The following DENND1A variants were observed in gnomAD, a reference collection of about 807,000 sequenced individuals.
DENND1A encodes DENN domain containing 1A, also known as DENN domain-containing protein 1A.
A neutral mutation model predicts 113.7 loss-of-function variants in DENND1A; 51 were observed. The observed-to-expected ratio is 0.45, with a 90% CI of 0.36 to 0.57. The LOEUF (loss-of-function observed/expected upper bound fraction) is 0.57. DENND1A is among the 20% of genes least tolerant of loss of function. The pLI, the probability that DENND1A is intolerant of heterozygous loss-of-function variation, is 0.00. For synonymous variants in DENND1A, 565 were observed against 570.8 expected, an observed-to-expected ratio of 0.99 and a Z score of 0.14; for missense variants, 1,258 against 1,395.9, an observed-to-expected ratio of 0.90 and a Z score of 1.57.
intron 12 of DENND1A, among the ~76,000 whole-genome samples, chr9:123,560,942 C>T (rs1294532656): frequency 2.6e-5 from 4 of 152,162 alleles, no homozygotes; most frequent in African/African-American, 9.7e-5. Flanking sequence ...GCTGACTCTG[C>T]CATGGACTTC....
chr9:123,822,663 T>C (rs1006423073), intron 2 of DENND1A, among the ~76,000 whole-genome samples: 6 of 152,234 alleles, frequency 3.9e-5, no homozygotes, highest in Non-Finnish European at 4.4e-5. Context: ...TCAAAATTTT[T>C]AACCATTGCC....
At chr9:123,445,511 A>G (rs1336511231) in intron 18 of DENND1A, among the ~76,000 whole-genome samples, 6 of 152,248 alleles carry the variant, frequency 3.9e-5, no homozygotes, top group African/African-American at 1.4e-4. Flanking sequence ...TTCACGCTGG[A>G]CATGGTCTCC....
Position 123,607,666 on chromosome 9 carries a change from C to A in DENND1A, c.765+1770G>T, listed in dbSNP as rs1775236140. 2.0e-5 allele frequency among the ~76,000 whole-genome samples: 3 copies of A among 149,188 alleles called. No individual in the cohort carries two copies. In the South Asian group the frequency reaches 6.5e-4, roughly 33 times the overall value. Reference sequence around the variant, plus strand: ...CCAACTGGCACTTTAAACTTTGGACCTGAAGCTCAGAGAGAGGCAGACCAG... The same window carrying A: ...CCAACTGGCACTTTAAACTTTGGACATGAAGCTCAGAGAGAGGCAGACCAG... On this transcript the variant is annotated intron_variant, in intron 11 of 23. Coordinates refer to ENST00000394215, the MANE Select transcript of DENND1A (RefSeq NM_001352964.2).
intron 5 of DENND1A, among the ~76,000 whole-genome samples, chr9:123,708,516 T>C (rs1043313317): frequency 1.3e-5 from 2 of 152,192 alleles, no homozygotes; most frequent in Non-Finnish European, 2.9e-5. Context: ...TTTCTTCAGT[T>C]TTTTAGCATG....
chr9:123,495,131 CA>C, intron 13 of DENND1A, among the ~76,000 whole-genome samples: 1 of 106,556 alleles, frequency 9.4e-6, no homozygotes, highest in South Asian at 3.9e-4. Flanking sequence ...TATGACCCAT[CA>C]TTGTCTCTTT....
At chr9:123,828,620 G>A (rs1374797796) in intron 2 of DENND1A, among the ~76,000 whole-genome samples, 1 of 143,774 alleles carries the variant, frequency 7.0e-6, no homozygotes, top group Non-Finnish European at 1.5e-5. Flanking sequence ...AAAATGAAAA[G>A]GAAAAACTTA....
chr9:123,804,090 C>T (rs1835142124), intron 2 of DENND1A, among the ~76,000 whole-genome samples: 2 of 152,192 alleles, frequency 1.3e-5, no homozygotes, highest in South Asian at 4.1e-4. Context: ...ATGGGAGGAA[C>T]CCGTGGAAGG....
At chr9:123,449,856 G>T (rs780063901) in intron 18 of DENND1A, among the ~76,000 whole-genome samples, 3 of 152,088 alleles carry the variant, frequency 2.0e-5, no homozygotes, top group Admixed American at 6.6e-5. Flanking sequence ...GGCTGGGAAG[G>T]GGGTGAGGGA....
intron 5 of DENND1A, among the ~76,000 whole-genome samples, chr9:123,732,240 C>G (rs767807347): frequency 6.6e-6 from 1 of 152,182 alleles, no homozygotes; most frequent in South Asian, 2.1e-4. Context: ...AATCTGTGTG[C>G]AAATGTTTGT....
intron 2 of DENND1A, among the ~76,000 whole-genome samples, chr9:123,860,669 T>A (rs954734422): frequency 2.0e-5 from 3 of 152,214 alleles, no homozygotes; most frequent in Non-Finnish European, 4.4e-5. Flanking sequence ...CCCAGTGCAT[T>A]GCCTAATAAA....
intron 13 of DENND1A, among the ~76,000 whole-genome samples, chr9:123,516,915 A>AAAAAAAAAAAAAAAAAC (rs2053973741): frequency 1.4e-5 from 2 of 144,674 alleles, no homozygotes; most frequent in Non-Finnish European, 3.0e-5. Flanking sequence ...AAAAAAAAAA[A>AAAAAAAAAAAAAAAAAC]AAAAGAACGG....
intron 13 of DENND1A, among the ~76,000 whole-genome samples, chr9:123,524,032 G>C (rs1001817020): frequency 6.6e-6 from 1 of 152,194 alleles, no homozygotes; most frequent in Non-Finnish European, 1.5e-5. Flanking sequence ...TGTGGTATTA[G>C]AGAAAAAGAG....
intron 10 of DENND1A, among the ~76,000 whole-genome samples, chr9:123,627,256 G>A (rs2061266452): frequency 1.3e-5 from 2 of 152,226 alleles, no homozygotes; most frequent in African/African-American, 4.8e-5. Flanking sequence ...CAGTGGCAAG[G>A]CCAGGGAAGC....
chr9:123,757,636 G>A (rs201697203), intron 5 of DENND1A, 67 bp downstream of exon 5: 318 of 1,577,974 alleles, frequency 2.0e-4, no homozygotes, highest in Non-Finnish European at 2.6e-4. Flanking sequence ...ATTTAATTAC[G>A]GAAGAGCAAT....
At chr9:123,406,076 C>A (rs960130802) in intron 20 of DENND1A, among the ~76,000 whole-genome samples, 1 of 152,238 alleles carries the variant, frequency 6.6e-6, no homozygotes, top group Admixed American at 6.5e-5. Context: ...TCGTACCCCC[C>A]ACCCCCCAGA....
chr9:123,918,585 A>G lies in DENND1A; in HGVS notation c.17+11304T>C, dbSNP rs145354598. Among the ~76,000 whole-genome samples, 338 of 152,264 alleles carry G rather than the reference A, an allele frequency of 2.2e-3. 3 individuals are homozygous for G. The highest frequency in any genetic ancestry group is 7.7e-3 in the African/African-American group (319 of 41,560). On this transcript the variant is annotated intron_variant, in intron 1 of 23. Transcript: ENST00000394215. ...ACTACAGCAGATTGAAATATAGCCA[A>G]TAAGTTTAAATACATCCATTTAAAG...
At chr9:123,909,773 G>A (rs1464508144) in intron 1 of DENND1A, among the ~76,000 whole-genome samples, 1 of 151,994 alleles carries the variant, frequency 6.6e-6, no homozygotes, top group African/African-American at 2.4e-5. Context: ...AAACCTGACT[G>A]TATACATATA....
rs114386299 is a variant in DENND1A at position 123,595,072 on chromosome 9, G to A, written c.766-11802C>T. Among the ~76,000 whole-genome samples the A allele has an allele frequency of 3.2e-3, 481 of 152,272 alleles. 3 individuals are homozygous for A. Among genetic ancestry groups the A allele is most frequent in the African/African-American group, 0.011 (463 of 41,550 alleles). On this transcript the variant is annotated intron_variant, in intron 11 of 23. Coordinates refer to ENST00000394215, the MANE Select transcript of DENND1A (RefSeq NM_001352964.2). ...TGGCTTTTCTTTGGAGCCAAGAGTC[G>A]CTGATTTGCTCCTTCCTGCTCCACA...
At chr9:123,809,743 T>C (rs1466888418) in intron 2 of DENND1A, among the ~76,000 whole-genome samples, 2 of 152,234 alleles carry the variant, frequency 1.3e-5, no homozygotes, top group Non-Finnish European at 2.9e-5. Context: ...TGATCTCGGA[T>C]CACTGCAACC....
Sources: gnomAD v4.1 joint callset for allele counts (sites outside exome capture counted in the v4.1 genomes callset) on GRCh38, gnomAD v4.1.1 for gene constraint, MANE v1.5 for transcripts, NCBI Gene and HGNC (gene_info 2026-07-23, HGNC 2026-07-21) for gene names.